Variants in SLC9A9 observed in about 807,000 individuals in gnomAD.
SLC9A9 encodes solute carrier family 9 member A9, also known as sodium/hydrogen exchanger 9.
A neutral mutation model predicts 77.8 loss-of-function variants in SLC9A9; 62 were observed. The observed-to-expected ratio is 0.80, with a 90% CI of 0.65 to 0.98. The LOEUF (loss-of-function observed/expected upper bound fraction) is 0.98. SLC9A9 is among the 50% of genes least tolerant of loss of function. SLC9A9 has a pLI of 0.00. For synonymous variants in SLC9A9, 320 were observed against 283.5 expected, an observed-to-expected ratio of 1.13 and a Z score of -1.29; for missense variants, 775 against 774.9, an observed-to-expected ratio of 1.00 and a Z score of 0.00.
At chr3:143,342,546 C>A (rs1337420093) in intron 14 of SLC9A9, among the ~76,000 whole-genome samples, 1 of 152,132 alleles carries the variant, frequency 6.6e-6, no homozygotes, top group Admixed American at 6.6e-5. Context: ...ATTTTAAACA[C>A]CCCACCCAAT....
chr3:143,835,241 T>C (rs1370437266), intron 1 of SLC9A9, among the ~76,000 whole-genome samples: 3 of 152,356 alleles, frequency 2.0e-5, no homozygotes, highest in African/African-American at 7.2e-5. Flanking sequence ...AATGAATCTC[T>C]TTCTAGCATC....
At chr3:143,729,108 C>T (rs1268484921) in intron 4 of SLC9A9, among the ~76,000 whole-genome samples, 1 of 152,176 alleles carries the variant, frequency 6.6e-6, no homozygotes, top group African/African-American at 2.4e-5. Context: ...CTGCTTAGAA[C>T]ACCCATTCTT....
chr3:143,339,144 AC>A (rs1169921457), intron 14 of SLC9A9, among the ~76,000 whole-genome samples: 1 of 152,132 alleles, frequency 6.6e-6, no homozygotes, highest in Non-Finnish European at 1.5e-5. Context: ...TCTTTGTGCC[AC>A]CACCTGCCAC....
chr3:143,363,103 C>A (rs2032796208), intron 14 of SLC9A9, among the ~76,000 whole-genome samples: 2 of 152,222 alleles, frequency 1.3e-5, no homozygotes, highest in South Asian at 2.1e-4. Context: ...GCTGGGTTAC[C>A]CTGGCCAGAG....
At chr3:143,766,119 G>A (rs1428746826) in intron 4 of SLC9A9, among the ~76,000 whole-genome samples, 2 of 152,184 alleles carry the variant, frequency 1.3e-5, no homozygotes, top group African/African-American at 2.4e-5. Context: ...AAGCTACTGA[G>A]TTCTGTGGCA....
intron 14 of SLC9A9, among the ~76,000 whole-genome samples, chr3:143,351,557 G>A (rs980552723): frequency 2.0e-5 from 3 of 152,048 alleles, no homozygotes; most frequent in Admixed American, 6.6e-5. Flanking sequence ...GTTGATGGTG[G>A]GGGGGAGTAC....
chr3:143,744,261 C>G (rs749302576), intron 4 of SLC9A9, among the ~76,000 whole-genome samples: 11 of 152,166 alleles, frequency 7.2e-5, no homozygotes, highest in Non-Finnish European at 1.0e-4. Context: ...CCTCAGACTT[C>G]CACTTTGCTG....
At chr3:143,394,068 A>G (rs1192141471) in intron 12 of SLC9A9, among the ~76,000 whole-genome samples, 1 of 152,202 alleles carries the variant, frequency 6.6e-6, no homozygotes, top group East Asian at 1.9e-4. Context: ...TCCAATCAAT[A>G]GAAAAAGAGG....
chr3:143,758,270 G>C (rs1235398725), intron 4 of SLC9A9, among the ~76,000 whole-genome samples: 1 of 152,116 alleles, frequency 6.6e-6, no homozygotes, highest in Non-Finnish European at 1.5e-5. Flanking sequence ...TAAAGTCCTT[G>C]TTCATTTACC....
intron 6 of SLC9A9, among the ~76,000 whole-genome samples, chr3:143,629,934 G>A (rs953325052): frequency 2.0e-5 from 3 of 152,068 alleles, no homozygotes; most frequent in African/African-American, 7.2e-5. Context: ...GACCAATGGA[G>A]GATGTCAAGA....
rs1406869776 is a variant in SLC9A9, at chr3:143,490,913, A to G, written c.1315+2740T>C. 2.0e-5 allele frequency among the ~76,000 whole-genome samples: 3 copies of G among 152,196 alleles called. No homozygotes were observed. In the South Asian group the frequency reaches 6.2e-4, roughly 32 times the overall value. On this transcript the variant is annotated intron_variant, in intron 11 of 15. Transcript: ENST00000316549. ...TCCAATGTTCTTTCCACCATGTAAA[A>G]GAGTACTATCAATATTAACTTTTAT...
At chr3:143,503,710 C>T (rs139583015) in intron 9 of SLC9A9, 54 of 375,004 alleles carry the variant, frequency 1.4e-4, no homozygotes, top group African/African-American at 9.5e-4. Context: ...GGAGCGGCCA[C>T]CCATGGTCTT....
chr3:143,323,104 C>T (rs910800607), intron 14 of SLC9A9, among the ~76,000 whole-genome samples: 9 of 152,008 alleles, frequency 5.9e-5, no homozygotes, highest in African/African-American at 2.4e-5. Flanking sequence ...TTTGGAGAAA[C>T]GGGAACTCTT....
Position 143,763,965 on chromosome 3 carries a change from GGTCAGTCTCT to G in SLC9A9, c.533+31026_533+31035del, listed in dbSNP as rs567750263. On this transcript the variant is annotated intron_variant, in intron 4 of 15. Coordinates refer to ENST00000316549, the MANE Select transcript of SLC9A9 (RefSeq NM_173653.4). ...CATATTTCCTGGGTTACCATTAATA[GGTCAGTCTCT>G]ACTAAGGTCTCCAAACCATGAAAGA... 2.0e-5 allele frequency among the ~76,000 whole-genome samples: 3 copies of G among 152,080 alleles called. 1 individual carries two copies. The South Asian group carries it at 6.2e-4, about 32-fold the overall frequency.
At position 143,547,370 on chromosome 3, in the gene SLC9A9, C is replaced by A. The variant is rs992356946; in HGVS notation, c.1089+4992G>T. ...ATTCTATGTCCAACTGGCTACACAA[C>A]AGCTCCACTTTGACTAATACACATC... On this transcript the variant is annotated intron_variant, in intron 9 of 15. Transcript: ENST00000316549. Among the ~76,000 whole-genome samples the A allele has an allele frequency of 3.9e-5, 6 of 152,238 alleles. No individual in the cohort carries two copies. The South Asian group carries it at 1.2e-3, about 31-fold the overall frequency.
chr3:143,512,097 C>A (rs2036125647), intron 9 of SLC9A9, among the ~76,000 whole-genome samples: 1 of 152,180 alleles, frequency 6.6e-6, no homozygotes, highest in Admixed American at 6.5e-5. Context: ...TGTCACTGAA[C>A]CTCAACTCAC....
intron 9 of SLC9A9, among the ~76,000 whole-genome samples, chr3:143,510,473 A>G (rs2036098603): frequency 6.6e-6 from 1 of 152,224 alleles, no homozygotes; most frequent in Non-Finnish European, 1.5e-5. Flanking sequence ...TCCATTAATT[A>G]GCTGGTTCCG....
At position 143,396,991 on chromosome 3, in the gene SLC9A9, C is replaced by A. The variant is rs76195853; in HGVS notation, c.1470-14877G>T. 4.2e-3 allele frequency among the ~76,000 whole-genome samples: 644 copies of A among 151,916 alleles called. 4 individuals carry two copies. The highest frequency in any genetic ancestry group is 0.015 in the African/African-American group (613 of 41,440). On this transcript the variant is annotated intron_variant, in intron 12 of 15. Coordinates refer to ENST00000316549, the MANE Select transcript of SLC9A9 (RefSeq NM_173653.4). ...AAAATAAACAAGAATAAGCAAGTAC[C>A]TGTTCCAGACACAAATGCAGATCTA...
At chr3:143,568,097 G>A (rs761302400) in intron 8 of SLC9A9, among the ~76,000 whole-genome samples, 1 of 152,186 alleles carries the variant, frequency 6.6e-6, no homozygotes, top group Non-Finnish European at 1.5e-5. Context: ...TTGGAAGGAA[G>A]TGTGATAGCT....
Sources: allele counts gnomAD v4.1 joint callset (sites outside exome capture counted in the v4.1 genomes callset), GRCh38; gene constraint gnomAD v4.1.1; transcripts MANE v1.5; gene names NCBI Gene and HGNC (gene_info 2026-07-23, HGNC 2026-07-21).